GALNTL6: variants seen among roughly 807,000 people sequenced by gnomAD.
GALNTL6 encodes the protein polypeptide N-acetylgalactosaminyltransferase-like 6.
Under a neutral mutation model 73.7 loss-of-function variants are expected in GALNTL6, and 46 were observed. The ratio of observed to expected loss-of-function variants is 0.62; its 90% CI spans 0.49 to 0.80. The LOEUF is 0.80. GALNTL6 is among the 30% of genes least tolerant of loss of function. The pLI, the probability that GALNTL6 is intolerant of heterozygous loss-of-function variation, is 0.00. For missense variants in GALNTL6, 604 were observed against 755.0 expected (o/e 0.80, Z 2.34); for synonymous variants, 259 against 263.7 (o/e 0.98, Z 0.17).
At chr4:172,975,979 A>G (rs1024668181) in intron 10 of GALNTL6, among the ~76,000 whole-genome samples, 5 of 152,104 alleles carry the variant, frequency 3.3e-5, no homozygotes, top group Non-Finnish European at 5.9e-5. Context: ...GGGTTGCTGC[A>G]GCTGCGCCAG....
At chr4:172,405,545 A>C (rs337031) in intron 5 of GALNTL6, among the ~76,000 whole-genome samples, 2 of 149,320 alleles carry the variant, frequency 1.3e-5, no homozygotes, top group African/African-American at 4.9e-5. Flanking sequence ...TACACATATA[A>C]CCATGTTATC....
At chr4:172,481,134 C>T (rs1483094691) in intron 5 of GALNTL6, among the ~76,000 whole-genome samples, 1 of 152,074 alleles carries the variant, frequency 6.6e-6, no homozygotes, top group East Asian at 1.9e-4. Context: ...GAGTTTCTTC[C>T]TTCTGGTGGG....
chr4:171,945,409 T>G (rs1364161708), intron 2 of GALNTL6, among the ~76,000 whole-genome samples: 2 of 152,100 alleles, frequency 1.3e-5, no homozygotes, highest in Admixed American at 1.3e-4. Context: ...AGCTGCTAGA[T>G]GAAACCAAAA....
At chr4:172,894,854 GT>G (rs1746233928) in intron 8 of GALNTL6, among the ~76,000 whole-genome samples, 1 of 151,374 alleles carries the variant, frequency 6.6e-6, no homozygotes, top group South Asian at 2.1e-4. Context: ...ATGTCTGGGT[GT>G]TTTGGTATTG....
intron 2 of GALNTL6, among the ~76,000 whole-genome samples, chr4:171,915,055 T>C (rs1297736416): frequency 6.6e-6 from 1 of 152,152 alleles, no homozygotes; most frequent in African/African-American, 2.4e-5. Context: ...AGGATATCGA[T>C]ACAGATTTTT....
intron 2 of GALNTL6, among the ~76,000 whole-genome samples, chr4:171,846,263 G>T (rs555524678): frequency 6.6e-6 from 1 of 152,226 alleles, no homozygotes; most frequent in East Asian, 1.9e-4. Context: ...AGTATCTGGA[G>T]GGCTTTCATA....
rs146680805 is a variant in GALNTL6, at chr4:172,651,834, GA to G, written c.554-157523del. Among the ~76,000 whole-genome samples, 369 of 152,226 alleles carry G rather than the reference GA, an allele frequency of 2.4e-3. 5 individuals are homozygous for G. In the East Asian group the frequency reaches 0.04, roughly 16 times the overall value. Reference sequence around the variant, plus strand: ...AATCTTGTCACTGAATAGAGGCAGGGAAAACAAATGTCCTTTGAATTTCTGA... The same window carrying G: ...AATCTTGTCACTGAATAGAGGCAGGGAAACAAATGTCCTTTGAATTTCTGA... On this transcript the variant is annotated intron_variant, in intron 5 of 12. Transcript: ENST00000506823.
chr4:171,827,946 T>A (rs779953384), intron 2 of GALNTL6, among the ~76,000 whole-genome samples: 14 of 152,188 alleles, frequency 9.2e-5, no homozygotes, highest in Non-Finnish European at 1.9e-4. Flanking sequence ...AGTCTAGTAA[T>A]ATAAAAAAAG....
intron 7 of GALNTL6, among the ~76,000 whole-genome samples, chr4:172,868,772 A>G (rs1317973471): frequency 6.6e-6 from 1 of 152,250 alleles, no homozygotes; most frequent in Non-Finnish European, 1.5e-5. Context: ...TCTAAGCATC[A>G]GATGAAATTG....
intron 2 of GALNTL6, among the ~76,000 whole-genome samples, chr4:172,173,593 G>A (rs1478847631): frequency 6.6e-6 from 1 of 152,202 alleles, no homozygotes; most frequent in Non-Finnish European, 1.5e-5. Flanking sequence ...GAATTAATAG[G>A]AAGTGTAACA....
intron 10 of GALNTL6, among the ~76,000 whole-genome samples, chr4:172,974,072 T>C (rs1327798648): frequency 6.6e-6 from 1 of 152,232 alleles, no homozygotes; most frequent in African/African-American, 2.4e-5. Context: ...TGCTTTTTGG[T>C]GATATTGTAG....
intron 12 of GALNTL6, among the ~76,000 whole-genome samples, chr4:173,034,122 G>C (rs1247735106): frequency 6.6e-6 from 1 of 152,076 alleles, no homozygotes; most frequent in Non-Finnish European, 1.5e-5. Context: ...TCATTAATCA[G>C]AATGCCCAAT....
chr4:172,237,843 G>T (rs932935398), intron 3 of GALNTL6, among the ~76,000 whole-genome samples: 10 of 152,178 alleles, frequency 6.6e-5, no homozygotes, highest in African/African-American at 1.9e-4. Context: ...ATTAAATAGG[G>T]AGTCCTTTCC....
intron 2 of GALNTL6, among the ~76,000 whole-genome samples, chr4:171,993,093 C>T (rs372044480): frequency 6.6e-6 from 1 of 151,962 alleles, no homozygotes; most frequent in African/African-American, 2.4e-5. Flanking sequence ...CCCTCCCCAA[C>T]AACACGGCAT....
At chr4:172,101,039 T>C (rs1370945394) in intron 2 of GALNTL6, among the ~76,000 whole-genome samples, 3 of 152,164 alleles carry the variant, frequency 2.0e-5, no homozygotes, top group Non-Finnish European at 4.4e-5. Context: ...GATAGGCTCA[T>C]TGGAAAACGA....
At chr4:172,977,023 AT>A (rs1298542325) in intron 10 of GALNTL6, among the ~76,000 whole-genome samples, 2 of 152,240 alleles carry the variant, frequency 1.3e-5, no homozygotes, top group African/African-American at 4.8e-5. Flanking sequence ...AAACCTCTTT[AT>A]TGATTTTGCA....
intron 5 of GALNTL6, among the ~76,000 whole-genome samples, chr4:172,477,248 T>G (rs185528639): frequency 1.6e-4 from 24 of 150,144 alleles, no homozygotes; most frequent in African/African-American, 5.6e-4. Flanking sequence ...TATTATTTAA[T>G]ATTTAAAAAT....
chr4:173,006,228 A>G (rs568742935), intron 10 of GALNTL6, among the ~76,000 whole-genome samples: 1 of 152,186 alleles, frequency 6.6e-6, no homozygotes, highest in African/African-American at 2.4e-5. Context: ...GAGCTCCTGG[A>G]CTCAAGTAGA....
At chr4:172,804,128 T>C (rs1445901379) in intron 5 of GALNTL6, among the ~76,000 whole-genome samples, 1 of 152,206 alleles carries the variant, frequency 6.6e-6, no homozygotes, top group African/African-American at 2.4e-5. Context: ...ACATGACATA[T>C]GCCAAGTAGA....
Sources: gnomAD v4.1 joint callset for allele counts (sites outside exome capture counted in the v4.1 genomes callset) on GRCh38, gnomAD v4.1.1 for gene constraint, MANE v1.5 for transcripts, NCBI Gene and HGNC (gene_info 2026-07-23, HGNC 2026-07-21) for gene names.